Variants in LARP1 observed in about 807,000 individuals in gnomAD.
LARP1 encodes La ribonucleoprotein 1, translational regulator, also known as la-related protein 1.
Under a neutral mutation model 122.7 loss-of-function variants are expected in LARP1, and 36 were observed. The observed-to-expected ratio is 0.29, with a 90% CI of 0.22 to 0.39. LARP1 has a LOEUF of 0.39. Among genes scored for constraint, LARP1 ranks in the 10% least tolerant of loss-of-function variants. The probability of loss-of-function intolerance (pLI) is 1.00; values close to 1 mark genes in which losing one functional copy is unlikely to be tolerated. For missense variants in LARP1, 1,040 were observed against 1,403.6 expected, an observed-to-expected ratio of 0.74 and a Z score of 4.14; for synonymous variants, 539 against 528.7, an observed-to-expected ratio of 1.02 and a Z score of -0.27.
intron 1 of LARP1, among the ~76,000 whole-genome samples, chr5:154,760,552 G>A (rs1754368065): frequency 1.3e-5 from 2 of 152,274 alleles, no homozygotes; most frequent in Middle Eastern, 3.4e-3. Context: ...GTATAATGGA[G>A]CAGCCAGACA....
At chr5:154,790,842 A>G in intron 3 of LARP1, 132 bp downstream of exon 3, 1 of 834,098 alleles carries the variant, frequency 1.2e-6, no homozygotes. Context: ...CCCCCAACAG[A>G]GTTTCACTCT....
Position 154,808,615 on chromosome 5 carries a change from T to G in LARP1, c.2843+12T>G. 1 of 1,609,574 alleles carries G rather than the reference T, an allele frequency of 6.2e-7. No individual in the cohort carries two copies. Among genetic ancestry groups the G allele is most frequent in the Non-Finnish European group, 8.5e-7 (1 of 1,177,714 alleles). On this transcript the variant is annotated intron_variant, in intron 16 of 18. Transcript: ENST00000518297. ...AAAGAAGGCTACAGGTGAGCAGGTT[T>G]GGGTGGGGGACTTTGGCTGGTGCTT...
chr5:154,754,775 C>T (rs1485849312), upstream of LARP1, among the ~76,000 whole-genome samples: 1 of 152,218 alleles, frequency 6.6e-6, no homozygotes, highest in African/African-American at 2.4e-5. Context: ...ACGGCTCACC[C>T]AACCAAGGTC....
intron 1 of LARP1, among the ~76,000 whole-genome samples, chr5:154,717,624 G>A (rs1755589542): frequency 6.6e-6 from 1 of 152,146 alleles, no homozygotes; most frequent in African/African-American, 2.4e-5. Context: ...GCTATTCTTT[G>A]TAACACAGGA....
Position 154,795,332 on chromosome 5 carries a change from C to T in LARP1, c.1377+13C>T. ...ACTCATCTTTGCGGTATGTCTTCCT[C>T]CCTGGAGCTGGGATGCAGGGGAAAG... On this transcript the variant is annotated intron_variant, in intron 8 of 18. Transcript: ENST00000518297. The T allele has an allele frequency of 1.2e-6, 2 of 1,612,482 alleles. No homozygotes were observed. Among genetic ancestry groups the T allele is most frequent in the South Asian group, 1.1e-5 (1 of 90,930 alleles).
intron 1 of LARP1, among the ~76,000 whole-genome samples, chr5:154,780,790 G>A (rs778373506): frequency 5.9e-5 from 9 of 152,174 alleles, no homozygotes; most frequent in Non-Finnish European, 1.0e-4. Context: ...GGCCGGCCAC[G>A]GTGGCCCATA....
At chr5:154,696,720 T>C (rs1217715043) in intron 1 of LARP1, among the ~76,000 whole-genome samples, 1 of 152,228 alleles carries the variant, frequency 6.6e-6, no homozygotes, top group African/African-American at 2.4e-5. Context: ...CTTGTACCTT[T>C]CTTGTATCAT....
chr5:154,690,162 G>A (rs1754125514), intron 1 of LARP1, among the ~76,000 whole-genome samples: 1 of 99,212 alleles, frequency 1.0e-5, no homozygotes, highest in Non-Finnish European at 2.7e-5. Flanking sequence ...TAGTGGTGCG[G>A]GGGAGGGCAC....
chr5:154,795,967 C>A (rs1420677738), intron 8 of LARP1, among the ~76,000 whole-genome samples: 1 of 82,656 alleles, frequency 1.2e-5, no homozygotes, highest in Non-Finnish European at 2.3e-5. Flanking sequence ...TATTTTTATA[C>A]ATATTATATA....
At position 154,802,389 on chromosome 5, in the gene LARP1, C is replaced by T. The variant is rs775535041; in HGVS notation, c.2099C>T (p.Ser700Phe). 5.6e-6 allele frequency: 9 copies of T among 1,600,336 alleles called. No individual in the cohort carries two copies. Among genetic ancestry groups the T allele is most frequent in the Non-Finnish European group, 6.8e-6 (8 of 1,172,622 alleles). Reference protein sequence around the residue: ...LWAEKFEPEYSQIKQEVENFK... With the variant: ...LWAEKFEPEYFQIKQEVENFK... ...GCTGAAAAGTTTGAACCTGAGTATT[C>T]CCAGATCAAGGTGAGGCTTGGACAT... The change falls in exon 11 of 19, where the codon TCC (serine) becomes TTC (phenylalanine). Residue 700 changes from serine to phenylalanine, a missense_variant. Ser to Phe is a radical substitution (Grantham distance 155). Around this residue, in one of 8 missense-constraint regions of LARP1, gnomAD observed 362 missense variants for 533.1 expected, o/e 0.68. Coordinates refer to ENST00000518297, the MANE Select transcript of LARP1 (RefSeq NM_033551.3). The surrounding 1 kb of genome is among the most constrained non-coding windows in gnomAD (Gnocchi z 5.1).
At chr5:154,804,516 G>A (rs1415137598) in intron 14 of LARP1, among the ~76,000 whole-genome samples, 2 of 152,286 alleles carry the variant, frequency 1.3e-5, no homozygotes, top group Admixed American at 6.5e-5. Context: ...TGGCAGTCAC[G>A]TGAGACCAGA....
At chr5:154,780,309 C>A (rs1756317659) in intron 1 of LARP1, among the ~76,000 whole-genome samples, 1 of 152,200 alleles carries the variant, frequency 6.6e-6, no homozygotes, top group Admixed American at 6.5e-5. Context: ...GGAAATGGGG[C>A]CCCTCTCAGA....
exon 1 of LARP1, among the ~76,000 whole-genome samples, chr5:154,682,992 T>C (rs1271870467): frequency 6.6e-6 from 1 of 152,280 alleles, no homozygotes; most frequent in East Asian, 1.9e-4. Context: ...GGCTGAGTCA[T>C]CGCTGCTGCG....
chr5:154,792,518 C>T (rs1757424522), intron 3 of LARP1, 104 bp from the exon 4 acceptor site: 1 of 998,286 alleles, frequency 1.0e-6, no homozygotes, highest in African/African-American at 1.6e-5. Flanking sequence ...CCTGCCATTG[C>T]ATGCTGTGGC....
intron 1 of LARP1, among the ~76,000 whole-genome samples, chr5:154,689,865 T>G (rs778708379): frequency 1.1e-4 from 16 of 151,784 alleles, no homozygotes; most frequent in Admixed American, 2.0e-4. Flanking sequence ...TCACCTGAGG[T>G]CGGGAGTTCG....
At chr5:154,775,655 C>T (rs1334697079) in intron 1 of LARP1, among the ~76,000 whole-genome samples, 3 of 152,140 alleles carry the variant, frequency 2.0e-5, no homozygotes, top group Non-Finnish European at 4.4e-5. Context: ...TTGCATTATC[C>T]CCACCTGGCA....
At chr5:154,716,881 A>G (rs915203040) in intron 1 of LARP1, among the ~76,000 whole-genome samples, 3 of 152,108 alleles carry the variant, frequency 2.0e-5, no homozygotes. Context: ...GCGACATGGC[A>G]AACTCCGATC....
chr5:154,724,577 T>C (rs1413514359), intron 1 of LARP1, among the ~76,000 whole-genome samples: 1 of 151,886 alleles, frequency 6.6e-6, no homozygotes, highest in Non-Finnish European at 1.5e-5. Context: ...ATCCTGCCCA[T>C]GGAAAAATGC....
chr5:154,797,218 GTTGTTT>G (rs1561617903), intron 8 of LARP1, among the ~76,000 whole-genome samples: 2 of 66,204 alleles, frequency 3.0e-5, no homozygotes, highest in African/African-American at 5.9e-5. Flanking sequence ...TTTTGTTGTT[GTTGTTT>G]TTTTTTTTTT....
Sources: allele counts gnomAD v4.1 joint callset (sites outside exome capture counted in the v4.1 genomes callset), GRCh38; gene constraint gnomAD v4.1.1; regional missense constraint gnomAD v4.1.1; non-coding constraint Gnocchi (gnomAD v3.1); transcripts MANE v1.5; gene names NCBI Gene and HGNC (gene_info 2026-07-23, HGNC 2026-07-21).